Variants in DOCK11 observed in about 807,000 individuals in gnomAD.
DOCK11 encodes the protein dedicator of cytokinesis 11, also known as dedicator of cytokinesis protein 11.
Under a neutral mutation model 169.1 loss-of-function variants are expected in DOCK11, and 70 were observed. The observed-to-expected ratio is 0.41, with a 90% CI of 0.34 to 0.51. The LOEUF (loss-of-function observed/expected upper bound fraction) is 0.51, where lower values mean the gene tolerates loss of function less well. DOCK11 is among the 20% of genes least tolerant of loss of function. DOCK11 has a pLI of 0.10. For synonymous variants in DOCK11, 529 were observed against 541.3 expected (o/e 0.98, Z 0.32); for missense variants, 1,166 against 1,538.8 (o/e 0.76, Z 4.05).
At chrX:118,615,106 T>G (rs1426513305) in intron 29 of DOCK11, among the ~76,000 whole-genome samples, 1 of 112,036 alleles carries the variant, frequency 8.9e-6, no homozygotes, top group African/African-American at 3.2e-5. Context: ...GCAGCCTTTT[T>G]GAGCTCTTTC....
intron 1 of DOCK11, among the ~76,000 whole-genome samples, chrX:118,542,110 A>C (rs1247961670): frequency 8.9e-6 from 1 of 111,801 alleles, no homozygotes; most frequent in Non-Finnish European, 1.9e-5. Context: ...TGTTTTACTT[A>C]AAATTCAATA....
chrX:118,668,430 A>G (rs1288731589), intron 45 of DOCK11, among the ~76,000 whole-genome samples: 3 of 110,612 alleles, frequency 2.7e-5, no homozygotes, highest in Non-Finnish European at 3.8e-5. Context: ...ACCTAACTTT[A>G]CATTCCTGGG....
chrX:118,659,018 C>T (rs954937549), intron 44 of DOCK11, among the ~76,000 whole-genome samples: 2 of 111,798 alleles, frequency 1.8e-5, no homozygotes, highest in Admixed American at 1.9e-4. Context: ...TTTCCCAAGA[C>T]GTGGTATCCA....
chrX:118,600,063 C>T (rs1365552958), intron 23 of DOCK11, among the ~76,000 whole-genome samples: 1 of 111,412 alleles, frequency 9.0e-6, no homozygotes, highest in Non-Finnish European at 1.9e-5. Context: ...CTTCATCTGT[C>T]ATGTGAGGAT....
chrX:118,533,582 G>T (rs1377541608), intron 1 of DOCK11, among the ~76,000 whole-genome samples: 1 of 111,971 alleles, frequency 8.9e-6, no homozygotes, highest in Non-Finnish European at 1.9e-5. Context: ...AGATTACTGA[G>T]CTTCTCTAAT....
At chrX:118,621,151 C>T (rs1164950184) in intron 31 of DOCK11, among the ~76,000 whole-genome samples, 1 of 112,690 alleles carries the variant, frequency 8.9e-6, no homozygotes, top group African/African-American at 3.2e-5. Flanking sequence ...CTTTCAATGA[C>T]TTCTGAAGCT....
chrX:118,545,199 G>A, intron 4 of DOCK11, 124 bp from the exon 5 acceptor site: 1 of 427,535 alleles, frequency 2.3e-6, no homozygotes. Context: ...TTTCTCGTTT[G>A]TGAAAGAAAG....
intron 1 of DOCK11, among the ~76,000 whole-genome samples, chrX:118,502,599 T>C (rs771040021): frequency 3.5e-4 from 39 of 111,821 alleles, no homozygotes; most frequent in Non-Finnish European, 4.3e-4. Flanking sequence ...CTTGCCTGAA[T>C]TGTGAACAGA....
At chrX:118,567,524 C>T (rs1305824621) in intron 9 of DOCK11, among the ~76,000 whole-genome samples, 2 of 108,197 alleles carry the variant, frequency 1.8e-5, no homozygotes, top group African/African-American at 6.8e-5. Flanking sequence ...CCTCCGTTGC[C>T]GAGGTTCAAG....
At chrX:118,545,624 A>G (rs1275106737) in intron 5 of DOCK11, among the ~76,000 whole-genome samples, 1 of 111,200 alleles carries the variant, frequency 9.0e-6, no homozygotes, top group African/African-American at 3.3e-5. Flanking sequence ...TTGTACATAA[A>G]CATGTTCCCC....
At chrX:118,518,975 A>AT (rs1014158359) in intron 1 of DOCK11, among the ~76,000 whole-genome samples, 4 of 110,578 alleles carry the variant, frequency 3.6e-5, no homozygotes, top group East Asian at 5.6e-4. Flanking sequence ...GATCTATGAA[A>AT]TTTTTTTTTG....
chrX:118,630,693 G>A (rs917311551), intron 35 of DOCK11, among the ~76,000 whole-genome samples: 1 of 112,334 alleles, frequency 8.9e-6, no homozygotes, highest in Non-Finnish European at 1.9e-5. Context: ...TCGAGTCTTT[G>A]AAATAATTTT....
chrX:118,511,059 G>A (rs1286069888), intron 1 of DOCK11, among the ~76,000 whole-genome samples: 1 of 112,259 alleles, frequency 8.9e-6, no homozygotes, highest in African/African-American at 3.2e-5. Context: ...GAGCTTTGCT[G>A]TCCTGAAGAA....
chrX:118,586,924 A>G lies in DOCK11; in HGVS notation c.1796-1213A>G, dbSNP rs769861610. ...CTTAAAAAATTGAATTTTATTCTAA[A>G]TGCAGTGAGAAGTCAATAAAGAATA... is the stretch of plus-strand genomic sequence containing the variant. On this transcript the variant is annotated intron_variant, in intron 16 of 52. Coordinates refer to ENST00000276202, the MANE Select transcript of DOCK11 (RefSeq NM_144658.4). 1.1e-3 allele frequency among the ~76,000 whole-genome samples: 125 copies of G among 112,393 alleles called. 1 individual carries two copies. Among genetic ancestry groups the G allele is most frequent in the African/African-American group, 3.7e-3 (116 of 30,958 alleles).
chrX:118,657,865 C>T (rs992333731), intron 44 of DOCK11, among the ~76,000 whole-genome samples: 1 of 110,054 alleles, frequency 9.1e-6, no homozygotes, highest in Middle Eastern at 4.6e-3. Context: ...AAAGACTACA[C>T]ATTGGGTACT....
At chrX:118,504,988 C>A in intron 1 of DOCK11, among the ~76,000 whole-genome samples, 1 of 112,536 alleles carries the variant, frequency 8.9e-6, no homozygotes. Context: ...ATTGGTAACC[C>A]CCTCAGGGGC....
Position 118,568,078 on chromosome X carries a change from G to T in DOCK11, c.952-1G>T. The T allele has an allele frequency of 1.8e-6, 2 of 1,114,302 alleles. No individual in the cohort carries two copies. Among genetic ancestry groups the T allele is most frequent in the Non-Finnish European group, 1.2e-6 (1 of 830,345 alleles). The allele number at this position is 1,114,302 out of a possible 1,213,427, so 91.8% of individuals were successfully genotyped here. ...AACATACTTATTTTTTAAAATTTTA[G>T]TATGGAAGAGAAACTGAACAACTAA... is the stretch of plus-strand genomic sequence containing the variant. On this transcript the variant is annotated splice_acceptor_variant, in intron 9 of 52. Transcript: ENST00000276202. LOFTEE classifies it high-confidence loss of function.
chrX:118,540,358 G>A (rs765615410), intron 1 of DOCK11, among the ~76,000 whole-genome samples: 2 of 111,487 alleles, frequency 1.8e-5, no homozygotes, highest in East Asian at 5.6e-4. Context: ...GAGCGTTAGA[G>A]CTGGAAGATG....
At chrX:118,540,018 T>C (rs1603043255) in intron 1 of DOCK11, among the ~76,000 whole-genome samples, 1 of 84,000 alleles carries the variant, frequency 1.2e-5, no homozygotes, top group East Asian at 3.7e-4. Flanking sequence ...GCCATTGCAC[T>C]CCAGCCTGGG....
Sources: gnomAD v4.1 joint callset for allele counts (sites outside exome capture counted in the v4.1 genomes callset) on GRCh38, gnomAD v4.1.1 for gene constraint, MANE v1.5 for transcripts, NCBI Gene and HGNC (gene_info 2026-07-23, HGNC 2026-07-21) for gene names.